CXADR: variants seen among roughly 807,000 people sequenced by gnomAD.
CXADR encodes coxsackievirus and adenovirus receptor.
A neutral mutation model predicts 40.3 loss-of-function variants in CXADR; 20 were observed. The observed-to-expected ratio is 0.50, with a 90% confidence interval of 0.35 to 0.72. The LOEUF is 0.72. Ranked by LOEUF, CXADR falls within the 30% of genes least tolerant of loss-of-function variation. The pLI is 0.01. For missense variants in CXADR, 332 were observed against 449.1 expected (o/e 0.74, Z 2.36); for synonymous variants, 150 against 161.3 (o/e 0.93, Z 0.53).
chr21:17,530,792 C>T lies in CXADR; in HGVS notation c.44-16235C>T, dbSNP rs191699138. 8.1e-4 allele frequency among the ~76,000 whole-genome samples: 123 copies of T among 152,086 alleles called. No homozygotes were observed. In the East Asian group the frequency reaches 0.021, roughly 26 times the overall value. ...TTGCACTGTTGCACCGCAGCCTAGG[C>T]GACAGAGCGAGACTCAGTCTCAAAA... On this transcript the variant is annotated intron_variant, in intron 1 of 6. Coordinates refer to ENST00000284878, the MANE Select transcript of CXADR (RefSeq NM_001338.5).
intron 1 of CXADR, among the ~76,000 whole-genome samples, chr21:17,521,426 G>A (rs1037987248): frequency 1.9e-4 from 29 of 152,230 alleles, no homozygotes; most frequent in African/African-American, 4.8e-4. Context: ...GGGTTCAAGC[G>A]ATTCTCCTGC....
At chr21:17,599,991 A>G in the CXADR span, among the ~76,000 whole-genome samples, 1 of 152,238 alleles carries the variant, frequency 6.6e-6, no homozygotes, top group Non-Finnish European at 1.5e-5. Context: ...TATATTGCTT[A>G]CTTCAGAGTT....
At chr21:17,611,795 G>C in the CXADR span, 1 of 152,206 alleles carries the variant, frequency 6.6e-6, no homozygotes, top group Non-Finnish European at 1.5e-5. Context: ...AAAACCCAAA[G>C]GGAATCCAGA....
At chr21:17,540,969 T>C (rs182815846) in intron 1 of CXADR, among the ~76,000 whole-genome samples, 1 of 152,312 alleles carries the variant, frequency 6.6e-6, no homozygotes, top group Non-Finnish European at 1.5e-5. Context: ...AAAAATAGAC[T>C]TTATTTTGTA....
intron 1 of CXADR, among the ~76,000 whole-genome samples, chr21:17,520,514 A>T (rs2060517599): frequency 1.3e-5 from 2 of 152,174 alleles, no homozygotes; most frequent in African/African-American, 4.8e-5. Flanking sequence ...GTGGGAGCTG[A>T]CAGGTCTGTC....
At chr21:17,551,568 C>T (rs2060968946) in intron 2 of CXADR, among the ~76,000 whole-genome samples, 181 bp from the exon 3 acceptor site, 1 of 152,134 alleles carries the variant, frequency 6.6e-6, no homozygotes, top group East Asian at 1.9e-4. Context: ...ACATTGATTC[C>T]TTTCCATTTT....
At chr21:17,574,996 C>T (rs867571253), downstream of CXADR, among the ~76,000 whole-genome samples, 1 of 7,530 alleles carries the variant, frequency 1.3e-4, no homozygotes, top group Non-Finnish European at 8.4e-4. Context: ...CATATATACA[C>T]ACACATACAT....
downstream of CXADR, among the ~76,000 whole-genome samples, chr21:17,570,964 G>C: frequency 6.6e-6 from 1 of 152,104 alleles, no homozygotes; most frequent in Non-Finnish European, 1.5e-5. Flanking sequence ...CGAAATGTTT[G>C]GCAGCACCCC....
chr21:17,614,877 G>A, the CXADR span, among the ~76,000 whole-genome samples: 8 of 152,062 alleles, frequency 5.3e-5, no homozygotes, highest in African/African-American at 1.9e-4. Context: ...TTCAAAACTT[G>A]CCCTACTCTT....
At chr21:17,578,962 C>T (rs1485362912) in intron 7 of CXADR, among the ~76,000 whole-genome samples, 1 of 152,142 alleles carries the variant, frequency 6.6e-6, no homozygotes, top group Admixed American at 6.5e-5. Context: ...CCCCCCTTCA[C>T]CAGATCCCCC....
At chr21:17,519,962 ATAAAT>A (rs2060508578) in intron 1 of CXADR, among the ~76,000 whole-genome samples, 1 of 151,414 alleles carries the variant, frequency 6.6e-6, no homozygotes, top group African/African-American at 2.5e-5. Flanking sequence ...CCATCTCAAA[ATAAAT>A]TATATGTATA....
intron 1 of CXADR, among the ~76,000 whole-genome samples, chr21:17,520,214 A>G (rs1267199089): frequency 1.3e-5 from 2 of 152,138 alleles, no homozygotes; most frequent in Non-Finnish European, 2.9e-5. Flanking sequence ...GTGCCCCTAC[A>G]ATAGAACATG....
the CXADR span, among the ~76,000 whole-genome samples, chr21:17,630,650 C>CTTTT: frequency 1.2e-3 from 144 of 116,666 alleles, no homozygotes; most frequent in East Asian, 2.0e-3. Context: ...CTTCCTTCTT[C>CTTTT]TTTTTTTTTT....
At chr21:17,587,092 T>G (rs2123396149) in intron 7 of CXADR, among the ~76,000 whole-genome samples, 1 of 152,364 alleles carries the variant, frequency 6.6e-6, no homozygotes, top group East Asian at 1.9e-4. Flanking sequence ...GGCTGCATAG[T>G]ATCCCATGGT....
At chr21:17,608,556 C>CTT in the CXADR span, among the ~76,000 whole-genome samples, 2 of 146,016 alleles carry the variant, frequency 1.4e-5, no homozygotes, top group African/African-American at 5.0e-5. Flanking sequence ...TTTTTCCATA[C>CTT]TTTTTTTTTT....
chr21:17,548,232 T>C (rs1262288941), intron 2 of CXADR, among the ~76,000 whole-genome samples: 1 of 152,202 alleles, frequency 6.6e-6, no homozygotes, highest in African/African-American at 2.4e-5. Flanking sequence ...ATTTAATGGC[T>C]GAATCAGTGC....
In CXADR at chr21:17,561,353, G is replaced by A; in HGVS notation, c.710G>A (p.Gly237Glu). The change falls in exon 6 of 7, where the codon GGA becomes GAA. Residue 237 changes from glycine (G) to glutamate (E), a missense_variant. Physicochemically the swap from Gly to Glu is moderately conservative, Grantham distance 98. This residue lies in a region of CXADR where 150 missense variants were observed against 194.2 expected (regional missense o/e 0.77). Transcript: ENST00000284878. Reference protein sequence around the residue: ...LNVVPPSNKAGLIAGAIIGTL... With the variant: ...LNVVPPSNKAELIAGAIIGTL... Reference sequence around the variant, plus strand: ...CTTATTTTAGCTTCAAATAAAGCTGGACTAATTGCAGGAGCCATTATAGGA... The same window carrying A: ...CTTATTTTAGCTTCAAATAAAGCTGAACTAATTGCAGGAGCCATTATAGGA... 2 of 1,583,354 alleles carry A rather than the reference G, an allele frequency of 1.3e-6. No homozygotes were observed. Among genetic ancestry groups the A allele is most frequent in the South Asian group, 1.2e-5 (1 of 85,868 alleles).
At chr21:17,514,959 G>T (rs112413136) in intron 1 of CXADR, among the ~76,000 whole-genome samples, 80 of 151,760 alleles carry the variant, frequency 5.3e-4, no homozygotes, top group Non-Finnish European at 1.1e-3. Flanking sequence ...GGAATATTTA[G>T]ATAATTGGAT....
chr21:17,608,964 T>G, the CXADR span: 1 of 1,610,590 alleles, frequency 6.2e-7, no homozygotes, highest in Non-Finnish European at 8.5e-7. Flanking sequence ...TCCAATCTAA[T>G]CCTTTACCTG....
Sources: allele counts gnomAD v4.1 joint callset (sites outside exome capture counted in the v4.1 genomes callset), GRCh38; gene constraint gnomAD v4.1.1; regional missense constraint gnomAD v4.1.1; transcripts MANE v1.5; gene names NCBI Gene and HGNC (gene_info 2026-07-23, HGNC 2026-07-21).